NKAIN2: variants seen among roughly 807,000 people sequenced by gnomAD.
The protein encoded by NKAIN2 is sodium/potassium-transporting ATPase subunit beta-1-interacting protein 2.
A neutral mutation model predicts 32.6 loss-of-function variants in NKAIN2; 14 were observed. The observed-to-expected ratio is 0.43, with a 90% confidence interval of 0.28 to 0.67. The LOEUF is 0.67. NKAIN2 is among the 30% of genes least tolerant of loss of function. The pLI is 0.17. For missense variants in NKAIN2, 198 were observed against 258.3 expected (o/e 0.77, Z 1.60); for synonymous variants, 80 against 87.2 (o/e 0.92, Z 0.46).
intron 1 of NKAIN2, among the ~76,000 whole-genome samples, chr6:124,167,728 AG>A (rs1459304046): frequency 1.3e-5 from 2 of 152,156 alleles, no homozygotes; most frequent in East Asian, 1.9e-4. Flanking sequence ...TTTAGCATGA[AG>A]GGTTGTTGAA....
intron 1 of NKAIN2, among the ~76,000 whole-genome samples, chr6:124,233,620 T>C (rs1285127207): frequency 1.3e-5 from 2 of 152,206 alleles, no homozygotes; most frequent in African/African-American, 4.8e-5. Context: ...TAAGGCATCT[T>C]GACTCTTCAA....
At chr6:124,508,431 G>A (rs992080534) in intron 3 of NKAIN2, among the ~76,000 whole-genome samples, 2 of 151,162 alleles carry the variant, frequency 1.3e-5, no homozygotes, top group Non-Finnish European at 2.9e-5. Flanking sequence ...TGCAAGCTCC[G>A]CCTCCCGGGT....
At chr6:124,681,186 A>G (rs960049041) in intron 4 of NKAIN2, among the ~76,000 whole-genome samples, 34 of 152,002 alleles carry the variant, frequency 2.2e-4, no homozygotes, top group African/African-American at 7.7e-4. Context: ...TATTGACTCT[A>G]GTGTTCACAT....
chr6:123,863,434 T>C (rs952906634), intron 1 of NKAIN2, among the ~76,000 whole-genome samples: 2 of 152,210 alleles, frequency 1.3e-5, no homozygotes, highest in Non-Finnish European at 2.9e-5. Flanking sequence ...ATACACAATA[T>C]CTATGAACTT....
At chr6:124,164,987 G>T (rs1250542034) in intron 1 of NKAIN2, among the ~76,000 whole-genome samples, 1 of 151,898 alleles carries the variant, frequency 6.6e-6, no homozygotes, top group African/African-American at 2.4e-5. Context: ...ATGGTCAGAG[G>T]TTCTTTTTCT....
intron 4 of NKAIN2, among the ~76,000 whole-genome samples, chr6:124,675,541 T>C (rs1192410923): frequency 6.6e-6 from 1 of 152,108 alleles, no homozygotes; most frequent in Non-Finnish European, 1.5e-5. Context: ...GAGTTATTGC[T>C]CAGTTCAGAT....
At chr6:124,346,417 T>C (rs1798426888) in intron 2 of NKAIN2, among the ~76,000 whole-genome samples, 1 of 152,204 alleles carries the variant, frequency 6.6e-6, no homozygotes, top group Admixed American at 6.5e-5. Flanking sequence ...TTGATCTGTC[T>C]AATGTTGACA....
intron 1 of NKAIN2, among the ~76,000 whole-genome samples, chr6:123,827,604 G>C (rs1161159048): frequency 6.6e-6 from 1 of 152,108 alleles, no homozygotes; most frequent in African/African-American, 2.4e-5. Flanking sequence ...AAGAAATATT[G>C]AGTATGTGAA....
At chr6:124,367,088 G>A (rs12207957) in intron 3 of NKAIN2, among the ~76,000 whole-genome samples, 22,245 of 151,896 alleles carry the variant, frequency 0.15, 2,109 homozygotes, top group Admixed American at 0.26. Flanking sequence ...ACACATCATC[G>A]TTATGCAGGA....
intron 5 of NKAIN2, among the ~76,000 whole-genome samples, chr6:124,810,112 A>C (rs1780816017): frequency 6.6e-6 from 1 of 152,088 alleles, no homozygotes; most frequent in Non-Finnish European, 1.5e-5. Flanking sequence ...ATACCATTTG[A>C]CCCAGCCATC....
At chr6:124,555,223 A>G (rs886374327) in intron 3 of NKAIN2, among the ~76,000 whole-genome samples, 2 of 152,100 alleles carry the variant, frequency 1.3e-5, no homozygotes, top group Non-Finnish European at 2.9e-5. Flanking sequence ...TGGAGTGGCA[A>G]TTGGTCCCTG....
chr6:123,930,576 A>G (rs1776209211), intron 1 of NKAIN2, among the ~76,000 whole-genome samples: 1 of 152,216 alleles, frequency 6.6e-6, no homozygotes, highest in Admixed American at 6.5e-5. Flanking sequence ...GAATTCTACA[A>G]ACATTACTGC....
intron 5 of NKAIN2, among the ~76,000 whole-genome samples, chr6:124,816,521 G>T (rs1345317781): frequency 6.6e-6 from 1 of 152,136 alleles, no homozygotes; most frequent in Non-Finnish European, 1.5e-5. Flanking sequence ...TTGTGTTTGT[G>T]TGGGGGCAGG....
chr6:123,948,597 A>AT (rs71021472), intron 1 of NKAIN2, among the ~76,000 whole-genome samples: 1,292 of 49,304 alleles, frequency 0.026, 81 homozygotes, highest in East Asian at 0.042. Flanking sequence ...CTTAAATGGG[A>AT]TTTTTTTTTT....
At chr6:124,566,000 C>T (rs1203612441) in intron 3 of NKAIN2, among the ~76,000 whole-genome samples, 4 of 152,150 alleles carry the variant, frequency 2.6e-5, no homozygotes, top group Non-Finnish European at 5.9e-5. Flanking sequence ...GACCAAGTTA[C>T]AGATAATGGA....
chr6:124,641,614 A>T (rs1783996795), intron 3 of NKAIN2, among the ~76,000 whole-genome samples: 1 of 125,336 alleles, frequency 8.0e-6, no homozygotes, highest in Admixed American at 1.1e-4. Context: ...TGCAGTGGCA[A>T]GATCTCAGCT....
chr6:124,151,846 T>A (rs1341409402), intron 1 of NKAIN2, among the ~76,000 whole-genome samples: 1 of 152,028 alleles, frequency 6.6e-6, no homozygotes, highest in African/African-American at 2.4e-5. Flanking sequence ...TAAGGTTGAC[T>A]ACATATTAAT....
intron 1 of NKAIN2, among the ~76,000 whole-genome samples, chr6:123,824,193 G>A (rs1419507478): frequency 6.6e-6 from 1 of 152,072 alleles, no homozygotes; most frequent in Non-Finnish European, 1.5e-5. Context: ...AGTGGAAGAG[G>A]CCCCTGAGGT....
At chr6:124,511,533 G>T (rs568554259) in intron 3 of NKAIN2, among the ~76,000 whole-genome samples, 13 of 91,160 alleles carry the variant, frequency 1.4e-4, no homozygotes, top group South Asian at 4.4e-4. Context: ...CTATACATTT[G>T]TAACTCTTCC....
Sources: allele counts gnomAD v4.1 joint callset (sites outside exome capture counted in the v4.1 genomes callset), GRCh38; gene constraint gnomAD v4.1.1; transcripts MANE v1.5; gene names NCBI Gene and HGNC (gene_info 2026-07-23, HGNC 2026-07-21).